RYR3: variants seen among roughly 807,000 people sequenced by gnomAD.
RYR3 encodes ryanodine receptor 3, also known as brain ryanodine receptor-calcium release channel.
A neutral mutation model predicts 584.3 loss-of-function variants in RYR3; 207 were observed. The observed-to-expected ratio is 0.35, with a 90% CI of 0.32 to 0.40. The LOEUF (loss-of-function observed/expected upper bound fraction) is 0.40, where lower values mean the gene tolerates loss of function less well. RYR3 is among the 10% of genes least tolerant of loss of function. The probability of loss-of-function intolerance (pLI) is 1.00; values close to 1 mark genes in which losing one functional copy is unlikely to be tolerated. For missense variants in RYR3, 5,616 were observed against 6,089.2 expected (o/e 0.92, Z 2.59); for synonymous variants, 2,416 against 2,248.5 (o/e 1.07, Z -2.11).
intron 1 of RYR3, among the ~76,000 whole-genome samples, chr15:33,471,585 A>C (rs1333084055): frequency 9.6e-6 from 1 of 104,210 alleles, no homozygotes; most frequent in Non-Finnish European, 1.9e-5. Context: ...GTCAACTTTC[A>C]TGCCTTTGTA....
chr15:33,506,944 G>C (rs2052537262), intron 3 of RYR3, among the ~76,000 whole-genome samples: 1 of 152,184 alleles, frequency 6.6e-6, no homozygotes, highest in Non-Finnish European at 1.5e-5. Context: ...GAGAGCCTGG[G>C]GATGTTTGAG....
chr15:33,721,123 T>C (rs189039970), intron 43 of RYR3, among the ~76,000 whole-genome samples: 62 of 152,350 alleles, frequency 4.1e-4, no homozygotes, highest in African/African-American at 1.4e-3. Context: ...GCTTCCGCTT[T>C]ACTGTCCTTC....
At chr15:33,586,799 T>G (rs560700360) in intron 16 of RYR3, among the ~76,000 whole-genome samples, 46 of 152,162 alleles carry the variant, frequency 3.0e-4, no homozygotes, top group Non-Finnish European at 5.1e-4. Flanking sequence ...CAGTGATCTG[T>G]GGGGAAAGTC....
At chr15:33,768,832 A>G (rs1036288835) in intron 61 of RYR3, 125 bp downstream of exon 61, 13 of 924,838 alleles carry the variant, frequency 1.4e-5, no homozygotes, top group African/African-American at 9.8e-5. Flanking sequence ...TAAATTTGCC[A>G]TAGAAAATTG....
At chr15:33,739,239 C>T (rs1363026109) in intron 50 of RYR3, among the ~76,000 whole-genome samples, 3 of 152,204 alleles carry the variant, frequency 2.0e-5, no homozygotes, top group African/African-American at 4.8e-5. Context: ...AGAACATGCA[C>T]ATAGCTTGTT....
intron 1 of RYR3, among the ~76,000 whole-genome samples, chr15:33,347,045 T>A (rs1471597011): frequency 6.6e-6 from 1 of 152,196 alleles, no homozygotes; most frequent in Non-Finnish European, 1.5e-5. Flanking sequence ...AGATCACAGA[T>A]GTAAAATGCC....
chr15:33,853,713 G>A, intron 96 of RYR3, 31 bp downstream of exon 96: 1 of 1,606,102 alleles, frequency 6.2e-7, no homozygotes, highest in East Asian at 2.2e-5. Flanking sequence ...CAAATCCAAA[G>A]CAGCTAAAAT....
chr15:33,572,147 C>T (rs145742810), intron 12 of RYR3, among the ~76,000 whole-genome samples: 4 of 152,206 alleles, frequency 2.6e-5, no homozygotes, highest in Middle Eastern at 3.4e-3. Context: ...AGCTCAGCAA[C>T]GCAGTTTTAT....
rs956225947 is a variant in RYR3, at chr15:33,732,359, G to A, written c.7424+665G>A. The stretch of plus-strand genomic sequence containing the variant: ...GCCGAGATCATGCCACTGCACTCCA[G>A]CCTGGGCGACAGAGCAAGACTCCAT... On this transcript the variant is annotated intron_variant, in intron 48 of 103. Transcript: ENST00000634891. Among the ~76,000 whole-genome samples the A allele has an allele frequency of 4.8e-5, 7 of 146,444 alleles. No individual in the cohort carries two copies. In the East Asian group the frequency reaches 1.4e-3, roughly 30 times the overall value.
At chr15:33,437,115 A>T (rs1313697822) in intron 1 of RYR3, among the ~76,000 whole-genome samples, 2 of 111,918 alleles carry the variant, frequency 1.8e-5, no homozygotes, top group Non-Finnish European at 3.5e-5. Context: ...AGAGAGAGAT[A>T]GAGTGTGTGT....
intron 11 of RYR3, among the ~76,000 whole-genome samples, chr15:33,566,459 C>G (rs186679986): frequency 1.3e-4 from 20 of 152,326 alleles, no homozygotes; most frequent in African/African-American, 4.3e-4. Context: ...CATAAAGTTT[C>G]ATTTTCATCA....
intron 10 of RYR3, among the ~76,000 whole-genome samples, chr15:33,559,644 G>A (rs1007217861): frequency 3.3e-5 from 5 of 152,172 alleles, no homozygotes; most frequent in African/African-American, 1.2e-4. Context: ...CCTTGGGAAG[G>A]CAGAGGAATA....
At chr15:33,446,955 C>G (rs1027958405) in intron 1 of RYR3, among the ~76,000 whole-genome samples, 1 of 152,218 alleles carries the variant, frequency 6.6e-6, no homozygotes, top group African/African-American at 2.4e-5. Context: ...CTGCTCTTTC[C>G]CCAACAAATG....
At chr15:33,543,270 A>AT (rs1347255777) in intron 7 of RYR3, among the ~76,000 whole-genome samples, 2 of 152,130 alleles carry the variant, frequency 1.3e-5, no homozygotes, top group East Asian at 3.8e-4. Context: ...TTATCCAGAA[A>AT]TTTGTTATTG....
chr15:33,505,133 C>T (rs1466644054), intron 3 of RYR3, among the ~76,000 whole-genome samples: 1 of 152,210 alleles, frequency 6.6e-6, no homozygotes, highest in Non-Finnish European at 1.5e-5. Flanking sequence ...GGACATGTCT[C>T]ATTTGTAATA....
intron 1 of RYR3, among the ~76,000 whole-genome samples, chr15:33,442,735 G>A (rs771408647): frequency 3.4e-4 from 51 of 152,160 alleles, no homozygotes; most frequent in Non-Finnish European, 5.6e-4. Context: ...TTATCTGGAG[G>A]GCACTCATCC....
intron 2 of RYR3, among the ~76,000 whole-genome samples, chr15:33,489,506 G>C (rs1238232567): frequency 1.3e-5 from 2 of 152,174 alleles, no homozygotes; most frequent in Non-Finnish European, 2.9e-5. Flanking sequence ...TTAGCCTCCA[G>C]CTCCATCCAT....
intron 1 of RYR3, among the ~76,000 whole-genome samples, chr15:33,467,133 T>C (rs2048554894): frequency 6.6e-6 from 1 of 152,266 alleles, no homozygotes; most frequent in Non-Finnish European, 1.5e-5. Context: ...AAGTGCCTGA[T>C]GTTTAAGATG....
In RYR3 at chr15:33,840,904, A is replaced by G. The variant is rs761905553; in HGVS notation, c.13037+21A>G. ...GCAGAGTAAGTTCTTGGTAGCATCA[A>G]CTACTCTCATTGCTATGGTAGATAA... On this transcript the variant is annotated intron_variant, in intron 90 of 103. Transcript: ENST00000634891. 7 of 1,609,936 alleles carry G rather than the reference A, an allele frequency of 4.3e-6. No individual in the cohort carries two copies. The East Asian group carries it at 1.6e-4, about 36-fold the overall frequency.
Sources: gnomAD v4.1 joint callset for allele counts (sites outside exome capture counted in the v4.1 genomes callset) on GRCh38, gnomAD v4.1.1 for gene constraint, MANE v1.5 for transcripts, NCBI Gene and HGNC (gene_info 2026-07-23, HGNC 2026-07-21) for gene names.